Variants in MAP1LC3B2 observed in about 807,000 individuals in gnomAD.
MAP1LC3B2 encodes the protein microtubule-associated protein 1 light chain 3 beta 2.
For synonymous variants in MAP1LC3B2, 62 were observed against 57.8 expected (o/e 1.07, Z -0.33); for missense variants, 155 against 154.6 (o/e 1.00, Z -0.01).
chr12:116,560,062 T>A (rs557077652), intron 1 of MAP1LC3B2: 1 of 148,862 alleles, frequency 6.7e-6, no homozygotes, highest in African/African-American at 2.5e-5. Context: ...TAGGAGACAC[T>A]GTCAAGAAAA....
In MAP1LC3B2 at chr12:116,575,833, CA is replaced by C; in HGVS notation, c.-101-4del. Reference sequence around the variant, plus strand: ...ACTACTCAGCTCTGTTGTTATTGTGCAAAAATAGCCTTACACGGCCACAGTC... The same window carrying C: ...ACTACTCAGCTCTGTTGTTATTGTGCAAAATAGCCTTACACGGCCACAGTC... On this transcript the variant is annotated splice_region_variant and splice_polypyrimidine_tract_variant and intron_variant, in intron 1 of 1. Coordinates refer to ENST00000556529, the MANE Select transcript of MAP1LC3B2 (RefSeq NM_001085481.3). The C allele has an allele frequency of 7.6e-7, 1 of 1,311,778 alleles. No homozygotes were observed. Among genetic ancestry groups the C allele is most frequent in the South Asian group, 1.2e-5 (1 of 81,506 alleles). 81.3% of individuals were successfully genotyped at this position (1,311,778 alleles called of 1,614,324 possible). A position where few individuals can be genotyped will look rare whatever the true frequency, so the allele number is the denominator to read the frequency against.
intron 1 of MAP1LC3B2, among the ~76,000 whole-genome samples, chr12:116,561,704 A>G (rs576438543): frequency 5.9e-5 from 9 of 152,238 alleles, no homozygotes; most frequent in Admixed American, 5.2e-4. Flanking sequence ...TCTGCCCCTT[A>G]CTAGCTGTGT....
At chr12:116,559,554 A>G (rs765576717) in intron 1 of MAP1LC3B2, 121 bp downstream of exon 1, 1 of 152,260 alleles carries the variant, frequency 6.6e-6, no homozygotes, top group Non-Finnish European at 1.5e-5. Flanking sequence ...CACCCTAGAA[A>G]AACCACAAAA....
rs71095564 is a variant in MAP1LC3B2 at position 116,571,458 on chromosome 12, C to CTTTTTTTTTTT, written c.-101-4354_-101-4344dup. ...TAGATGGGAGTAAGGGACTGCTGTT[C>CTTTTTTTTTTT]TTTTTTTTTTTTTTTTTTTTTTTTT... On this transcript the variant is annotated intron_variant, in intron 1 of 1. Transcript: ENST00000556529. Among the ~76,000 whole-genome samples, 43 of 48,108 alleles carry CTTTTTTTTTTT rather than the reference C, an allele frequency of 8.9e-4. 6 individuals are homozygous for CTTTTTTTTTTT. The highest frequency in any genetic ancestry group is 1.3e-3 in the South Asian group (1 of 800). The allele number at this position is 48,108 out of a possible 152,430, so 31.6% of individuals were successfully genotyped here.
chr12:116,560,252 G>GTATATA (rs1446414621), intron 1 of MAP1LC3B2, among the ~76,000 whole-genome samples: 1 of 100,338 alleles, frequency 1.0e-5, no homozygotes, highest in African/African-American at 3.7e-5. Context: ...GTATGTATAT[G>GTATATA]TATATATATA....
At chr12:116,563,497 T>G (rs1869318662) in intron 1 of MAP1LC3B2, among the ~76,000 whole-genome samples, 1 of 152,254 alleles carries the variant, frequency 6.6e-6, no homozygotes, top group South Asian at 2.1e-4. Flanking sequence ...CTTGGTTCTT[T>G]GTATGTAATA....
intron 1 of MAP1LC3B2, among the ~76,000 whole-genome samples, chr12:116,573,938 G>C (rs532554591): frequency 1.3e-5 from 2 of 152,360 alleles, no homozygotes; most frequent in Admixed American, 1.3e-4. Flanking sequence ...AAGATGCTCA[G>C]CCTCACTTGT....
intron 1 of MAP1LC3B2, among the ~76,000 whole-genome samples, chr12:116,568,880 T>C (rs879269326): frequency 9.2e-4 from 82 of 89,180 alleles, no homozygotes; most frequent in Admixed American, 3.7e-3. Flanking sequence ...TTTTTTTTTT[T>C]TTGAGACAGA....
intron 1 of MAP1LC3B2, among the ~76,000 whole-genome samples, chr12:116,573,392 C>T (rs748643430): frequency 2.6e-5 from 4 of 152,096 alleles, no homozygotes; most frequent in Admixed American, 2.6e-4. Context: ...TTAGCAAGAA[C>T]CTGGGGGCAG....
At chr12:116,574,248 TA>T (rs11402160) in intron 1 of MAP1LC3B2, among the ~76,000 whole-genome samples, 7 of 148,668 alleles carry the variant, frequency 4.7e-5, no homozygotes, top group East Asian at 3.9e-4. Flanking sequence ...TTGTAATAGT[TA>T]AAAAAAAAAA....
intron 1 of MAP1LC3B2, among the ~76,000 whole-genome samples, chr12:116,571,866 C>T (rs966903662): frequency 2.7e-5 from 4 of 150,168 alleles, no homozygotes; most frequent in South Asian, 2.1e-4. Context: ...GTAATGTCCG[C>T]GAAGTTCCTG....
intron 1 of MAP1LC3B2, among the ~76,000 whole-genome samples, chr12:116,563,258 A>C (rs1869314321): frequency 6.6e-6 from 1 of 152,138 alleles, no homozygotes; most frequent in South Asian, 2.1e-4. Context: ...CACACCTGGT[A>C]AAGAACTTCT....
Position 116,576,540 on chromosome 12 carries a change from G to A in MAP1LC3B2, c.*220G>A. The A allele has an allele frequency of 2.0e-6, 1 of 501,204 alleles. No individual in the cohort carries two copies. Among genetic ancestry groups the A allele is most frequent in the Non-Finnish European group, 3.5e-6 (1 of 286,490 alleles). 31.0% of individuals were successfully genotyped at this position (501,204 alleles called of 1,614,324 possible). On this transcript the variant is annotated 3_prime_UTR_variant, in exon 2 of 2. Transcript: ENST00000556529. Reference sequence around the variant, plus strand: ...TTGGAAACTATATTATTTAATGTAGGCTAGCTTGTTTTCAAATTTTAAAAG... The same window carrying A: ...TTGGAAACTATATTATTTAATGTAGACTAGCTTGTTTTCAAATTTTAAAAG...
At chr12:116,567,688 C>T (rs997589280) in intron 1 of MAP1LC3B2, among the ~76,000 whole-genome samples, 3 of 151,836 alleles carry the variant, frequency 2.0e-5, no homozygotes, top group African/African-American at 7.3e-5. Context: ...GTGGAGTTTG[C>T]AGTGAGCCGA....
chr12:116,568,842 C>T (rs963450650), intron 1 of MAP1LC3B2, among the ~76,000 whole-genome samples: 1 of 150,990 alleles, frequency 6.6e-6, no homozygotes, highest in African/African-American at 2.4e-5. Context: ...GCCTCTAGAA[C>T]TGTAAGAAAT....
intron 1 of MAP1LC3B2, among the ~76,000 whole-genome samples, chr12:116,566,150 G>A (rs1256093864): frequency 6.6e-6 from 1 of 152,198 alleles, no homozygotes; most frequent in Admixed American, 6.5e-5. Context: ...AATGTTCAAG[G>A]AAGATTTCCA....
intron 1 of MAP1LC3B2, among the ~76,000 whole-genome samples, chr12:116,563,950 G>A (rs150355775): frequency 6.6e-6 from 1 of 151,894 alleles, no homozygotes; most frequent in East Asian, 1.9e-4. Context: ...TTGCTGTGTT[G>A]CCCAGGCTGG....
Position 116,563,206 on chromosome 12 carries a change from A to G in MAP1LC3B2, c.-102+3773A>G, listed in dbSNP as rs368877520. Among the ~76,000 whole-genome samples the G allele has an allele frequency of 1.1e-4, 17 of 152,138 alleles. No homozygotes were observed. The East Asian group carries it at 3.3e-3, about 29-fold the overall frequency. ...ACTCCTAACCTCAGGTGATCTGCCC[A>G]CCTCGGCCTCCCAAAGTGCTGGGAT... On this transcript the variant is annotated intron_variant, in intron 1 of 1. Transcript: ENST00000556529.
At chr12:116,572,927 T>G (rs1180201437) in intron 1 of MAP1LC3B2, among the ~76,000 whole-genome samples, 2 of 152,046 alleles carry the variant, frequency 1.3e-5, no homozygotes, top group African/African-American at 4.8e-5. Flanking sequence ...GGCGGATTTT[T>G]TTTGTTTGTT....
Sources: gnomAD v4.1 joint callset for allele counts (sites outside exome capture counted in the v4.1 genomes callset) on GRCh38, gnomAD v4.1.1 for gene constraint, MANE v1.5 for transcripts, NCBI Gene and HGNC (gene_info 2026-07-23, HGNC 2026-07-21) for gene names.